The following SUPT3H variants were observed in gnomAD, a reference collection of about 807,000 sequenced individuals.
SUPT3H encodes the protein SPT3 homolog, SAGA and STAGA complex component.
Under a neutral mutation model 44.3 loss-of-function variants are expected in SUPT3H, and 44 were observed. That is an observed-to-expected ratio of 0.99 (90% confidence interval 0.78 to 1.28). The LOEUF is 1.28. SUPT3H is among the 50% of genes most tolerant of loss of function. SUPT3H has a pLI of 0.00. For synonymous variants in SUPT3H, 124 were observed against 125.6 expected (o/e 0.99, Z 0.09); for missense variants, 380 against 387.1 (o/e 0.98, Z 0.15).
intron 2 of SUPT3H, among the ~76,000 whole-genome samples, chr6:45,141,241 G>C (rs565301919): frequency 7.0e-6 from 1 of 142,618 alleles, no homozygotes; most frequent in South Asian, 2.3e-4. Context: ...TCAGGAGGCT[G>C]AGACAGGAGA....
chr6:45,243,455 C>CT (rs1562778336), intron 2 of SUPT3H, among the ~76,000 whole-genome samples: 1 of 151,712 alleles, frequency 6.6e-6, no homozygotes, highest in Non-Finnish European at 1.5e-5. Flanking sequence ...TAAACCTGAT[C>CT]TTTTTAAAAG....
At chr6:44,900,099 C>T (rs3957282) in intron 10 of SUPT3H, among the ~76,000 whole-genome samples, 5,559 of 152,278 alleles carry the variant, frequency 0.037, 142 homozygotes, top group Middle Eastern at 0.058. Flanking sequence ...GCATAAGCGA[C>T]GCAGAAGACA....
chr6:45,161,375 C>A (rs1489525590), intron 2 of SUPT3H, among the ~76,000 whole-genome samples: 1 of 152,128 alleles, frequency 6.6e-6, no homozygotes, highest in African/African-American at 2.4e-5. Context: ...TATAAACTTT[C>A]AATTGACTGC....
At chr6:45,110,965 T>G (rs554203312) in intron 2 of SUPT3H, among the ~76,000 whole-genome samples, 2 of 149,666 alleles carry the variant, frequency 1.3e-5, no homozygotes, top group Non-Finnish European at 3.0e-5. Context: ...ATTAATATAA[T>G]AACAAAACAG....
At chr6:45,052,430 T>C (rs1388797833) in intron 3 of SUPT3H, among the ~76,000 whole-genome samples, 2 of 152,216 alleles carry the variant, frequency 1.3e-5, no homozygotes, top group Non-Finnish European at 2.9e-5. Flanking sequence ...AAAGGTTTTA[T>C]AGGAATGTGC....
intron 3 of SUPT3H, among the ~76,000 whole-genome samples, chr6:45,046,577 C>T (rs1789432848): frequency 6.6e-6 from 1 of 152,178 alleles, no homozygotes; most frequent in African/African-American, 2.4e-5. Context: ...GTAATCCACC[C>T]ACCTCGGCCT....
At chr6:45,164,318 G>GA (rs1359314971) in intron 2 of SUPT3H, among the ~76,000 whole-genome samples, 19 of 152,212 alleles carry the variant, frequency 1.2e-4, no homozygotes, top group African/African-American at 4.3e-4. Flanking sequence ...TAGTTTTCAG[G>GA]ATTAAGATTA....
intron 11 of SUPT3H, among the ~76,000 whole-genome samples, chr6:44,820,837 G>A (rs537723959): frequency 6.4e-4 from 98 of 152,242 alleles, no homozygotes; most frequent in African/African-American, 2.3e-3. Context: ...GGTCAGAGAA[G>A]GTCTTATAGA....
chr6:44,991,017 T>C lies in SUPT3H; in HGVS notation c.504+12636A>G, dbSNP rs781114817. 7.0e-4 allele frequency among the ~76,000 whole-genome samples: 106 copies of C among 152,172 alleles called. 1 individual carries two copies. Among genetic ancestry groups the C allele is most frequent in the Non-Finnish European group, 1.4e-3 (94 of 67,982 alleles). ...GTGGCCACTTTTGTAATTTAACCTC[T>C]ATATTTGAGAGCAGCTCAACGAATC... is the stretch of plus-strand genomic sequence containing the variant. On this transcript the variant is annotated intron_variant, in intron 6 of 10. Transcript: ENST00000371459.
chr6:45,243,289 G>T lies in SUPT3H; in HGVS notation c.101+121912C>A, dbSNP rs141245235. On this transcript the variant is annotated intron_variant, in intron 2 of 10. Coordinates refer to ENST00000371459, the MANE Select transcript of SUPT3H (RefSeq NM_003599.4). ...GACAAAAAAATCTAACAATGAAAAA[G>T]AATCTTAAGAAAACTTCTATAGCAT... 4.6e-3 allele frequency among the ~76,000 whole-genome samples: 574 copies of T among 125,666 alleles called. 7 individuals are homozygous for T. The highest frequency in any genetic ancestry group is 0.017 in the African/African-American group (545 of 32,032). 82.4% of individuals were successfully genotyped at this position (125,666 alleles called of 152,430 possible). A position where few individuals can be genotyped will look rare whatever the true frequency, so the allele number is the denominator to read the frequency against.
intron 2 of SUPT3H, among the ~76,000 whole-genome samples, chr6:45,353,637 A>G (rs1792533352): frequency 6.6e-6 from 1 of 152,106 alleles, no homozygotes; most frequent in African/African-American, 2.4e-5. Context: ...AATGGATTAA[A>G]TATTAAACCA....
At chr6:45,102,383 A>G (rs1798702493) in intron 3 of SUPT3H, among the ~76,000 whole-genome samples, 1 of 152,152 alleles carries the variant, frequency 6.6e-6, no homozygotes, top group Admixed American at 6.6e-5. Context: ...TTAACGAGAG[A>G]GGTGACCTCC....
At chr6:45,250,439 G>A (rs1772157037) in intron 2 of SUPT3H, among the ~76,000 whole-genome samples, 1 of 151,286 alleles carries the variant, frequency 6.6e-6, no homozygotes, top group South Asian at 2.1e-4. Flanking sequence ...TTGACTAGAA[G>A]AATAAAAAAC....
chr6:45,114,501 A>T (rs1210966740), intron 2 of SUPT3H, among the ~76,000 whole-genome samples: 6 of 152,050 alleles, frequency 3.9e-5, no homozygotes, highest in East Asian at 3.8e-4. Context: ...AAATCAGAAA[A>T]TTTTTTTAAA....
intron 6 of SUPT3H, among the ~76,000 whole-genome samples, chr6:44,972,678 C>G (rs892625554): frequency 6.6e-6 from 1 of 152,226 alleles, no homozygotes; most frequent in Non-Finnish European, 1.5e-5. Context: ...ACACCCCTGC[C>G]TAGACATCCA....
intron 10 of SUPT3H, among the ~76,000 whole-genome samples, chr6:44,835,271 G>A (rs1194570072): frequency 6.6e-6 from 1 of 152,038 alleles, no homozygotes; most frequent in African/African-American, 2.4e-5. Context: ...AGCAGTAAAA[G>A]GGACGATAAA....
intron 10 of SUPT3H, among the ~76,000 whole-genome samples, chr6:44,877,837 G>A (rs551750392): frequency 8.5e-5 from 13 of 152,138 alleles, no homozygotes; most frequent in African/African-American, 1.4e-4. Flanking sequence ...ATGAATTGTC[G>A]GTGTTTGTTC....
chr6:45,026,327 C>T (rs1331625863), intron 3 of SUPT3H, among the ~76,000 whole-genome samples: 1 of 152,230 alleles, frequency 6.6e-6, no homozygotes, highest in African/African-American at 2.4e-5. Flanking sequence ...AGTTTCATCA[C>T]TAAGTGATTG....
At chr6:44,900,365 AGG>A (rs1764782951) in intron 10 of SUPT3H, among the ~76,000 whole-genome samples, 2 of 152,236 alleles carry the variant, frequency 1.3e-5, no homozygotes, top group African/African-American at 4.8e-5. Context: ...ACGGCACACC[AGG>A]AGATTATATT....
Sources: allele counts gnomAD v4.1 joint callset (sites outside exome capture counted in the v4.1 genomes callset), GRCh38; gene constraint gnomAD v4.1.1; transcripts MANE v1.5; gene names NCBI Gene and HGNC (gene_info 2026-07-23, HGNC 2026-07-21).